Variants in GALNT17 observed in about 807,000 individuals in gnomAD.
GALNT17 encodes the protein polypeptide N-acetylgalactosaminyltransferase 17.
A neutral mutation model predicts 63.7 loss-of-function variants in GALNT17; 29 were observed. The observed-to-expected ratio is 0.46, with a 90% CI of 0.34 to 0.62. The LOEUF (loss-of-function observed/expected upper bound fraction) is 0.62, where lower values mean the gene tolerates loss of function less well. GALNT17 is among the 20% of genes least tolerant of loss of function. The probability of loss-of-function intolerance (pLI) is 0.01; values close to 1 mark genes in which losing one functional copy is unlikely to be tolerated. For synonymous variants in GALNT17, 305 were observed against 318.3 expected (o/e 0.96, Z 0.45); for missense variants, 603 against 799.6 (o/e 0.75, Z 2.97).
Position 71,693,309 on chromosome 7 carries a change from C to CACAT in GALNT17, c.1500+16004_1500+16005insCATA, listed in dbSNP as rs1554325721. Among the ~76,000 whole-genome samples, 347 of 124,132 alleles carry CACAT rather than the reference C, an allele frequency of 2.8e-3. 6 individuals are homozygous for CACAT. The highest frequency in any genetic ancestry group is 9.5e-3 in the African/African-American group (325 of 34,070). The allele number at this position is 124,132 out of a possible 152,430, so 81.4% of individuals were successfully genotyped here. Reference sequence around the variant, plus strand: ...ACACACACACACACACACACACACACATATATATATATGGAGACAAGACCA... The same window carrying CACAT: ...ACACACACACACACACACACACACACACATATATATATATATGGAGACAAGACCA... On this transcript the variant is annotated intron_variant, in intron 9 of 10. Coordinates refer to ENST00000333538, the MANE Select transcript of GALNT17 (RefSeq NM_022479.3).
At chr7:71,543,953 C>G (rs1788936239) in intron 5 of GALNT17, among the ~76,000 whole-genome samples, 1 of 151,546 alleles carries the variant, frequency 6.6e-6, no homozygotes, top group Non-Finnish European at 1.5e-5. Flanking sequence ...CCACTGCACC[C>G]AGCTAATTTT....
intron 1 of GALNT17, among the ~76,000 whole-genome samples, chr7:71,262,838 G>A (rs1310331169): frequency 6.6e-6 from 1 of 151,632 alleles, no homozygotes; most frequent in South Asian, 2.1e-4. Context: ...GAGCCACCAA[G>A]CCCAGCTAAT....
chr7:71,450,336 T>C (rs912661776), intron 5 of GALNT17, among the ~76,000 whole-genome samples: 2 of 152,004 alleles, frequency 1.3e-5, no homozygotes, highest in East Asian at 2.0e-4. Context: ...GGTTTCGCCA[T>C]GTTGGCCAGG....
intron 9 of GALNT17, among the ~76,000 whole-genome samples, chr7:71,679,041 AGT>A (rs1414390313): frequency 6.6e-6 from 1 of 152,100 alleles, no homozygotes; most frequent in Non-Finnish European, 1.5e-5. Context: ...ATTGGTGAAA[AGT>A]GCCTGTGGGG....
intron 1 of GALNT17, among the ~76,000 whole-genome samples, chr7:71,191,556 G>C (rs1180209046): frequency 2.6e-5 from 4 of 152,164 alleles, no homozygotes; most frequent in Non-Finnish European, 5.9e-5. Context: ...AAAACAGATG[G>C]CTGGTTTGCA....
At chr7:71,242,572 A>T (rs192355996) in intron 1 of GALNT17, among the ~76,000 whole-genome samples, 1 of 152,076 alleles carries the variant, frequency 6.6e-6, no homozygotes, top group Admixed American at 6.6e-5. Flanking sequence ...CTGGTCAGGG[A>T]TCACATTTCA....
chr7:71,376,458 T>G (rs1792729296), intron 2 of GALNT17, among the ~76,000 whole-genome samples: 1 of 141,246 alleles, frequency 7.1e-6, no homozygotes, highest in Non-Finnish European at 1.5e-5. Context: ...TTTTTTGCTT[T>G]AGTTGAATTC....
At chr7:71,475,766 T>TA (rs1021029847) in intron 5 of GALNT17, among the ~76,000 whole-genome samples, 1 of 152,176 alleles carries the variant, frequency 6.6e-6, no homozygotes, top group African/African-American at 2.4e-5. Flanking sequence ...AACAGAAAGT[T>TA]AATCAAAGAT....
chr7:71,583,602 T>C (rs1376937224), intron 6 of GALNT17, among the ~76,000 whole-genome samples: 1 of 152,146 alleles, frequency 6.6e-6, no homozygotes, highest in Non-Finnish European at 1.5e-5. Context: ...ATTAAACAGA[T>C]TCCCTGGCAT....
chr7:71,400,722 A>T (rs1000634372), intron 3 of GALNT17, among the ~76,000 whole-genome samples: 1 of 152,242 alleles, frequency 6.6e-6, no homozygotes, highest in Admixed American at 6.5e-5. Context: ...AACCACCGAT[A>T]TGAAATTCAC....
rs1165470682 is a variant in GALNT17 at position 71,391,742 on chromosome 7, C to T, written c.589+3341C>T. Among the ~76,000 whole-genome samples, 4 of 152,162 alleles carry T rather than the reference C, an allele frequency of 2.6e-5. No homozygotes were observed. In the East Asian group the frequency reaches 7.7e-4, roughly 29 times the overall value. On this transcript the variant is annotated intron_variant, in intron 3 of 10. Transcript: ENST00000333538. ...GCTCAAATGATCCTCCTGCCTCAGCCTCCCAATGTGCTGGGATTACAGGTG... is the reference window on the plus strand; with the variant it reads ...GCTCAAATGATCCTCCTGCCTCAGCTTCCCAATGTGCTGGGATTACAGGTG...
intron 5 of GALNT17, among the ~76,000 whole-genome samples, chr7:71,549,145 T>A (rs1339547449): frequency 6.6e-6 from 1 of 152,188 alleles, no homozygotes; most frequent in Non-Finnish European, 1.5e-5. Context: ...TTTCTATTAC[T>A]CGAGCAGAGT....
At chr7:71,588,239 A>G (rs1385618950) in intron 6 of GALNT17, among the ~76,000 whole-genome samples, 1 of 152,124 alleles carries the variant, frequency 6.6e-6, no homozygotes, top group Non-Finnish European at 1.5e-5. Context: ...TATATTTTAT[A>G]TTTACTTTTC....
intron 5 of GALNT17, among the ~76,000 whole-genome samples, chr7:71,507,640 C>A (rs1788289421): frequency 6.6e-6 from 1 of 152,278 alleles, no homozygotes; most frequent in African/African-American, 2.4e-5. Context: ...GGCCCTGAGC[C>A]AATGCGTTGG....
intron 6 of GALNT17, among the ~76,000 whole-genome samples, chr7:71,595,152 T>C (rs1209719522): frequency 6.6e-6 from 1 of 152,166 alleles, no homozygotes; most frequent in Non-Finnish European, 1.5e-5. Flanking sequence ...TTGGATGCAG[T>C]GGCCCATGCC....
intron 6 of GALNT17, among the ~76,000 whole-genome samples, chr7:71,636,334 G>T (rs1790528496): frequency 6.6e-6 from 1 of 152,148 alleles, no homozygotes; most frequent in African/African-American, 2.4e-5. Context: ...AGTTCTCTGG[G>T]GAAGATGGTG....
chr7:71,545,466 T>G (rs970963556), intron 5 of GALNT17, among the ~76,000 whole-genome samples: 1 of 152,126 alleles, frequency 6.6e-6, no homozygotes, highest in East Asian at 1.9e-4. Context: ...ATTCTCATGC[T>G]TCAGCCTCCT....
intron 5 of GALNT17, among the ~76,000 whole-genome samples, chr7:71,421,811 G>A (rs187150040): frequency 8.5e-5 from 13 of 152,166 alleles, no homozygotes; most frequent in East Asian, 5.8e-4. Flanking sequence ...TTAGATGGGC[G>A]TGGTGGCAGG....
chr7:71,436,340 C>G (rs1290122532), intron 5 of GALNT17, among the ~76,000 whole-genome samples: 7 of 151,970 alleles, frequency 4.6e-5, no homozygotes, highest in African/African-American at 1.7e-4. Context: ...AACCCTGTCT[C>G]TAAAAGAAAA....
Sources: allele counts gnomAD v4.1 joint callset (sites outside exome capture counted in the v4.1 genomes callset), GRCh38; gene constraint gnomAD v4.1.1; transcripts MANE v1.5; gene names NCBI Gene and HGNC (gene_info 2026-07-23, HGNC 2026-07-21).